The following BTBD9 variants were observed in gnomAD, a reference collection of about 807,000 sequenced individuals.
The protein encoded by BTBD9 is BTB/POZ domain-containing protein 9.
A neutral mutation model predicts 64.3 loss-of-function variants in BTBD9; 49 were observed. The observed-to-expected ratio is 0.76, with a 90% CI of 0.61 to 0.97. The LOEUF is 0.97. Ranked by LOEUF, BTBD9 falls within the 50% of genes least tolerant of loss-of-function variation. BTBD9 has a pLI of 0.00. For missense variants in BTBD9, 598 were observed against 762.1 expected (o/e 0.78, Z 2.53); for synonymous variants, 260 against 274.7 (o/e 0.95, Z 0.53).
intron 4 of BTBD9, among the ~76,000 whole-genome samples, chr6:38,582,744 G>C (rs1466327933): frequency 1.3e-5 from 2 of 152,170 alleles, no homozygotes; most frequent in Non-Finnish European, 2.9e-5. Context: ...CTTGAGTAAG[G>C]CCTGTTAGTC....
intron 9 of BTBD9, among the ~76,000 whole-genome samples, chr6:38,248,201 A>C (rs1368916157): frequency 6.6e-6 from 1 of 152,156 alleles, no homozygotes; most frequent in Non-Finnish European, 1.5e-5. Context: ...CATCATTTTT[A>C]ATAAACACCT....
intron 6 of BTBD9, among the ~76,000 whole-genome samples, chr6:38,511,876 A>G (rs563002471): frequency 6.6e-6 from 1 of 152,300 alleles, no homozygotes; most frequent in African/African-American, 2.4e-5. Flanking sequence ...AGATGTGTAC[A>G]TGTAGAGGAA....
intron 6 of BTBD9, among the ~76,000 whole-genome samples, chr6:38,345,319 A>C (rs542054263): frequency 6.6e-6 from 1 of 152,368 alleles, no homozygotes; most frequent in Non-Finnish European, 1.5e-5. Flanking sequence ...GCAGGGAATT[A>C]AGTAGAACTT....
chr6:38,416,100 T>C (rs2127267166), intron 6 of BTBD9, among the ~76,000 whole-genome samples: 1 of 152,266 alleles, frequency 6.6e-6, no homozygotes, highest in South Asian at 2.1e-4. Context: ...CCAAGTACTC[T>C]ATGAGACTGG....
At chr6:38,333,846 G>T (rs866205636) in intron 7 of BTBD9, among the ~76,000 whole-genome samples, 1 of 152,184 alleles carries the variant, frequency 6.6e-6, no homozygotes, top group South Asian at 2.1e-4. Flanking sequence ...TTGCTACAAC[G>T]ATACCTGAAA....
chr6:38,604,098 C>G (rs1367008135), intron 1 of BTBD9, among the ~76,000 whole-genome samples: 1 of 152,142 alleles, frequency 6.6e-6, no homozygotes, highest in Non-Finnish European at 1.5e-5. Flanking sequence ...AACCTTGACT[C>G]TGATATTTTG....
chr6:38,260,039 A>T (rs1764737451), intron 8 of BTBD9, among the ~76,000 whole-genome samples: 1 of 152,166 alleles, frequency 6.6e-6, no homozygotes, highest in Admixed American at 6.5e-5. Context: ...AGCCTATGCT[A>T]ATTTATATTT....
At chr6:38,287,822 A>T (rs1215140495) in intron 8 of BTBD9, among the ~76,000 whole-genome samples, 1 of 152,252 alleles carries the variant, frequency 6.6e-6, no homozygotes, top group Non-Finnish European at 1.5e-5. Context: ...TTCCCTTCTT[A>T]AAACAAAAAG....
At chr6:38,427,178 G>A (rs1768202227) in intron 6 of BTBD9, among the ~76,000 whole-genome samples, 1 of 140,880 alleles carries the variant, frequency 7.1e-6, no homozygotes, top group African/African-American at 2.6e-5. Flanking sequence ...CATCTGAGGA[G>A]CTTTAAAAAA....
At chr6:38,216,645 T>C (rs1398917650) in intron 9 of BTBD9, among the ~76,000 whole-genome samples, 2 of 152,208 alleles carry the variant, frequency 1.3e-5, no homozygotes, top group African/African-American at 2.4e-5. Context: ...GTCATGGTAG[T>C]GAAATTCTCA....
rs1340974432 is a variant in BTBD9 at position 38,288,409 on chromosome 6, T to A, written c.1317A>T (p.Gly439=). The A allele has an allele frequency of 6.2e-7, 1 of 1,613,936 alleles. No homozygotes were observed. The highest frequency in any genetic ancestry group is 1.3e-5 in the African/African-American group (1 of 74,910). The change falls in exon 8 of 11, where the codon GGA becomes GGT. Residue 439 remains glycine, a synonymous_variant. Transcript: ENST00000481247. ...TIADCASVIE[G]VSRSRNALLN... ...GCAAGGCATTTCGGCTCCGACTGAC[T>A]CCTTCAATCACACTGGCACAATCAG...
chr6:38,526,067 A>C (rs1198562545), intron 6 of BTBD9, among the ~76,000 whole-genome samples: 2 of 152,262 alleles, frequency 1.3e-5, no homozygotes, highest in Middle Eastern at 3.2e-3. Flanking sequence ...AAGGCATTTC[A>C]GAGACCTTCA....
intron 7 of BTBD9, among the ~76,000 whole-genome samples, chr6:38,325,045 AATAAT>A (rs1763368456): frequency 6.6e-6 from 1 of 152,228 alleles, no homozygotes; most frequent in Non-Finnish European, 1.5e-5. Context: ...TAAATTTGCT[AATAAT>A]ATATTTGTAA....
At chr6:38,636,472 T>C (rs969402550) in intron 1 of BTBD9, among the ~76,000 whole-genome samples, 1 of 152,246 alleles carries the variant, frequency 6.6e-6, no homozygotes, top group African/African-American at 2.4e-5. Context: ...TTCCTCTTCC[T>C]GTGATTTCTA....
At chr6:38,347,041 A>AC (rs539348139) in intron 6 of BTBD9, among the ~76,000 whole-genome samples, 1 of 152,160 alleles carries the variant, frequency 6.6e-6, no homozygotes, top group Non-Finnish European at 1.5e-5. Flanking sequence ...TTCCAGGCTG[A>AC]CCTAAGGGAT....
intron 1 of BTBD9, among the ~76,000 whole-genome samples, chr6:38,608,481 T>C (rs1777500838): frequency 1.3e-5 from 2 of 152,338 alleles, no homozygotes; most frequent in African/African-American, 4.8e-5. Context: ...ATTTAAATTA[T>C]ATGATATTTT....
intron 10 of BTBD9, among the ~76,000 whole-genome samples, chr6:38,185,835 G>A (rs1223074879): frequency 6.6e-6 from 1 of 152,164 alleles, no homozygotes; most frequent in African/African-American, 2.4e-5. Context: ...ATTCTTTGGT[G>A]TCTCGCTTCT....
intron 7 of BTBD9, among the ~76,000 whole-genome samples, chr6:38,298,242 T>C (rs1205002754): frequency 6.6e-6 from 1 of 152,158 alleles, no homozygotes; most frequent in Admixed American, 6.6e-5. Flanking sequence ...TATATATACA[T>C]TAAATTTTTA....
chr6:38,360,604 T>C (rs1764911717), intron 6 of BTBD9, among the ~76,000 whole-genome samples: 1 of 152,004 alleles, frequency 6.6e-6, no homozygotes, highest in African/African-American at 2.4e-5. Context: ...TGCTAAGTAT[T>C]GAAAGATGAG....
Sources: gnomAD v4.1 joint callset for allele counts (sites outside exome capture counted in the v4.1 genomes callset) on GRCh38, gnomAD v4.1.1 for gene constraint, MANE v1.5 for transcripts, NCBI Gene and HGNC (gene_info 2026-07-23, HGNC 2026-07-21) for gene names.